DHRS4: variants seen among roughly 807,000 people sequenced by gnomAD.
DHRS4 encodes dehydrogenase/reductase 4.
A neutral mutation model predicts 28.4 loss-of-function variants in DHRS4; 20 were observed. The observed-to-expected ratio is 0.71, with a 90% CI of 0.50 to 1.02. DHRS4 has a LOEUF of 1.02. Among genes scored for constraint, DHRS4 ranks in the 50% least tolerant of loss-of-function variants. The probability of loss-of-function intolerance (pLI) is 0.00; values close to 1 mark genes in which losing one functional copy is unlikely to be tolerated. For missense variants in DHRS4, 378 were observed against 367.2 expected, an observed-to-expected ratio of 1.03 and a Z score of -0.24; for synonymous variants, 144 against 146.4, an observed-to-expected ratio of 0.98 and a Z score of 0.12.
At chr14:23,965,081 T>C (rs1479234727) in intron 3 of DHRS4, among the ~76,000 whole-genome samples, 3 of 151,734 alleles carry the variant, frequency 2.0e-5, no homozygotes, top group Non-Finnish European at 4.4e-5. Flanking sequence ...ACATTCATTG[T>C]ACTTCTATCT....
Position 23,966,298 on chromosome 14 carries a change from A to G in DHRS4, c.547A>G (p.Asn183Asp). 3 of 1,613,810 alleles carry G rather than the reference A, an allele frequency of 1.9e-6. No homozygotes were observed. Among genetic ancestry groups the G allele is most frequent in the South Asian group, 1.1e-5 (1 of 91,036 alleles). The change falls in exon 6 of 8, where the codon AAT (asparagine) becomes GAT (aspartate). Residue 183 changes from asparagine (N) to aspartate (D), a missense_variant. Transcript: ENST00000313250. ...CTTTCTCCAGGGCTTCAGTCCTTAC[A>G]ATGTCAGTAAAACAGCCTTGCTGGG... ...FSPSPGFSPY[N>D]VSKTALLGLT... is the part of the protein sequence containing the mutation.
intron 2 of DHRS4, 44 bp downstream of exon 2, chr14:23,955,256 G>A (rs781253718): frequency 7.6e-6 from 12 of 1,577,554 alleles, no homozygotes; most frequent in Middle Eastern, 2.0e-4. Context: ...GGTGGAAAAC[G>A]GAGCCAGCCT....
intron 1 of DHRS4, among the ~76,000 whole-genome samples, chr14:23,954,410 G>T (rs542136353): frequency 2.0e-5 from 3 of 152,104 alleles, no homozygotes; most frequent in Admixed American, 6.6e-5. Context: ...CATCTGGGCC[G>T]ACCTTGCCCA....
At chr14:23,954,929 A>T in intron 1 of DHRS4, 106 bp from the exon 2 acceptor site, 1 of 1,552,780 alleles carries the variant, frequency 6.4e-7, no homozygotes, top group Non-Finnish European at 8.7e-7. Flanking sequence ...GGTTATATAG[A>T]GAAAGAGCCA....
intron 3 of DHRS4, among the ~76,000 whole-genome samples, chr14:23,963,385 T>C (rs1407327635): frequency 5.5e-5 from 7 of 127,324 alleles, no homozygotes; most frequent in Middle Eastern, 3.7e-3. Context: ...TGATCTTAGC[T>C]AGATCTTCTG....
intron 6 of DHRS4, 44 bp downstream of exon 6, chr14:23,966,461 G>T: frequency 1.2e-6 from 2 of 1,610,146 alleles, no homozygotes; most frequent in East Asian, 4.5e-5. Context: ...CCCTTGAAAG[G>T]CATCCATCTT....
intron 7 of DHRS4, among the ~76,000 whole-genome samples, chr14:23,968,429 A>G (rs141485487): frequency 0.011 from 1,686 of 150,630 alleles, 116 homozygotes; most frequent in African/African-American, 0.038. Context: ...TGCACATGTG[A>G]AACCATTTTT....
intron 5 of DHRS4, 147 bp downstream of exon 5, chr14:23,966,130 C>A (rs1383559690): frequency 2.5e-5 from 39 of 1,590,400 alleles, no homozygotes; most frequent in Non-Finnish European, 3.2e-5. Flanking sequence ...CTCCACAAAC[C>A]ACAACCTAGG....
intron 6 of DHRS4, 146 bp from the exon 7 acceptor site, chr14:23,967,065 G>C: frequency 1.2e-6 from 1 of 824,906 alleles, no homozygotes; most frequent in Non-Finnish European, 1.9e-6. Flanking sequence ...TGAGGCAGGA[G>C]AATGGCATAA....
rs532414493 is a variant in DHRS4, at chr14:23,968,752, C to T, written c.723-5C>T. ...ACCTCCTTCCTTGCTTCCCTTATTC[C>T]CCAGGTTAGGCGAGCCAGAGGATTG... On this transcript the variant is annotated splice_polypyrimidine_tract_variant and splice_region_variant and intron_variant, in intron 7 of 7. Transcript: ENST00000313250. 1.2e-5 allele frequency: 19 copies of T among 1,605,178 alleles called. No individual in the cohort carries two copies. The East Asian group carries it at 3.6e-4, about 31-fold the overall frequency.
chr14:23,965,633 A>G (rs2033585125), intron 3 of DHRS4, 129 bp from the exon 4 acceptor site: 1 of 748,758 alleles, frequency 1.3e-6, no homozygotes, highest in African/African-American at 1.8e-5. Flanking sequence ...TGTAAGATGC[A>G]GGTATATCAT....
At chr14:23,964,247 A>AAACAAAAAAC (rs2033532257) in intron 3 of DHRS4, among the ~76,000 whole-genome samples, 5 of 129,720 alleles carry the variant, frequency 3.9e-5, no homozygotes, top group African/African-American at 1.3e-4. Context: ...AAAAAAAAAA[A>AAACAAAAAAC]AAAAAAACAC....
chr14:23,953,881 A>C lies in DHRS4; in HGVS notation c.93A>C (p.Ala31=), dbSNP rs2273944. The C allele has an allele frequency of 1.2e-6, 2 of 1,609,990 alleles. No homozygotes were observed. The highest frequency in any genetic ancestry group is 2.2e-5 in the South Asian group (2 of 90,640). ...GGATGACCCGCCGGGACCCGCTCGC[A>C]AATAAGGTGGCCCTGGTAACGGCCT... ...SSGMTRRDPL[A]NKVALVTAST... is the part of the protein sequence containing the mutation. Residue 31 remains alanine, a synonymous_variant, in exon 1 of 8, where the codon GCA becomes GCC. Coordinates refer to ENST00000313250, the MANE Select transcript of DHRS4 (RefSeq NM_021004.4).
rs1566475596 is a variant in DHRS4, at chr14:23,964,247, A to AAAAAAC, written c.409-1510_409-1509insCAAAAA. On this transcript the variant is annotated intron_variant, in intron 3 of 7. Coordinates refer to ENST00000313250, the MANE Select transcript of DHRS4 (RefSeq NM_021004.4). ...AAAAAAAAAAAAAAAAAAAAAAAAAAAAAAAAACACAATATCTGCAAAGCA... is the reference window on the plus strand; with the variant it reads ...AAAAAAAAAAAAAAAAAAAAAAAAAAAAAAACAAAAAAACACAATATCTGCAAAGCA... Among the ~76,000 whole-genome samples the AAAAAAC allele has an allele frequency of 2.8e-3, 360 of 129,742 alleles. 14 individuals are homozygous for AAAAAAC. Among genetic ancestry groups the AAAAAAC allele is most frequent in the African/African-American group, 0.011 (338 of 30,156 alleles). 85.1% of individuals were successfully genotyped at this position (129,742 alleles called of 152,430 possible).
Position 23,968,611 on chromosome 14 carries a change from T to C in DHRS4, c.723-146T>C, listed in dbSNP as rs192976076. 9.0e-5 allele frequency: 119 copies of C among 1,318,220 alleles called. 4 individuals are homozygous for C. The highest frequency in any genetic ancestry group is 7.8e-4 in the East Asian group (31 of 39,650). The allele number at this position is 1,318,220 out of a possible 1,614,324, so 81.7% of individuals were successfully genotyped here. On this transcript the variant is annotated intron_variant, in intron 7 of 7. Transcript: ENST00000313250. Reference sequence around the variant, plus strand: ...TAACAGCATATCCTCGTGGTAACCCTATTTGATAGGCAGAAAGCTTGTACA... The same window carrying C: ...TAACAGCATATCCTCGTGGTAACCCCATTTGATAGGCAGAAAGCTTGTACA...
intron 1 of DHRS4, 47 bp downstream of exon 1, chr14:23,953,963 A>G (rs2032962316): frequency 1.9e-6 from 3 of 1,551,820 alleles, no homozygotes; most frequent in African/African-American, 1.4e-5. Context: ...GCCTGGAAAC[A>G]GGCACTGGCC....
rs1378870754 is a variant in DHRS4, at chr14:23,965,790, C to T, written c.437C>T (p.Ala146Val). ...KTLDINVKAP[A>V]LMTKAVVPEM... ...CTGGACATTAATGTGAAGGCCCCAGCCCTGATGACAAAGGCAGTGGTGCCA... is the reference window on the plus strand; with the variant it reads ...CTGGACATTAATGTGAAGGCCCCAGTCCTGATGACAAAGGCAGTGGTGCCA... Residue 146 changes from alanine (A) to valine (V), a missense_variant, in exon 4 of 8, where the codon GCC (alanine) becomes GTC (valine). By Grantham distance (64) the Ala-to-Val change is moderately conservative. Coordinates refer to ENST00000313250, the MANE Select transcript of DHRS4 (RefSeq NM_021004.4). 6.2e-7 allele frequency: 1 copy of T among 1,605,648 alleles called. No individual in the cohort carries two copies. Among genetic ancestry groups the T allele is most frequent in the Admixed American group, 1.7e-5 (1 of 59,568 alleles).
At chr14:23,967,594 T>A in intron 7 of DHRS4, 1 of 495,364 alleles carries the variant, frequency 2.0e-6, no homozygotes, top group South Asian at 1.9e-5. Flanking sequence ...GCTTTGTTAG[T>A]CCCCTTGAAT....
chr14:23,962,443 T>C (rs2033451441), intron 3 of DHRS4, among the ~76,000 whole-genome samples: 1 of 150,972 alleles, frequency 6.6e-6, no homozygotes, highest in South Asian at 2.1e-4. Context: ...CGTGTTGTGA[T>C]TTCAACAATA....
Sources: allele counts gnomAD v4.1 joint callset (sites outside exome capture counted in the v4.1 genomes callset), GRCh38; gene constraint gnomAD v4.1.1; transcripts MANE v1.5; gene names NCBI Gene and HGNC (gene_info 2026-07-23, HGNC 2026-07-21).